Variants in TBCK observed in about 807,000 individuals in gnomAD.
TBCK encodes the protein TBC1 domain containing kinase, also known as TBC domain-containing protein kinase-like protein.
TBCK carries 99 observed loss-of-function variants against 113.4 expected under a neutral mutation model. That is an observed-to-expected ratio of 0.87 (90% CI 0.74 to 1.03). The LOEUF is 1.03. TBCK is among the 50% of genes least tolerant of loss of function. The probability of loss-of-function intolerance (pLI) is 0.00; values close to 1 mark genes in which losing one functional copy is unlikely to be tolerated. For missense variants in TBCK, 1,045 were observed against 1,061.3 expected, an observed-to-expected ratio of 0.98 and a Z score of 0.21; for synonymous variants, 369 against 370.8, an observed-to-expected ratio of 1.00 and a Z score of 0.05.
At position 106,043,261 on chromosome 4, in the gene TBCK, T is replaced by C. The variant is rs990471518; in HGVS notation, c.*3309A>G. The C allele has an allele frequency of 6.6e-6, 1 of 152,228 alleles. No homozygotes were observed. The highest frequency in any genetic ancestry group is 1.5e-5 in the Non-Finnish European group (1 of 68,028). The allele number at this position is 152,228 out of a possible 1,614,324, so 9.4% of individuals were successfully genotyped here. On this transcript the variant is annotated 3_prime_UTR_variant, in exon 26 of 26. Transcript: ENST00000394708. ...TTAAATTACCTTATTTTGGAAGTTA[T>C]CTGCTCCAACTTCTAGAATTATCAG...
At chr4:106,150,020 T>G (rs1748293462) in intron 23 of TBCK, among the ~76,000 whole-genome samples, 1 of 152,198 alleles carries the variant, frequency 6.6e-6, no homozygotes, top group East Asian at 1.9e-4. Context: ...CTTTAGAAAT[T>G]CTGTTGTTCC....
chr4:106,080,569 C>T (rs540100570), intron 25 of TBCK, among the ~76,000 whole-genome samples: 1 of 152,220 alleles, frequency 6.6e-6, no homozygotes, highest in East Asian at 1.9e-4. Flanking sequence ...AATCAAAACC[C>T]TAGAAGAAAA....
At chr4:106,058,298 T>C (rs2149456043) in intron 25 of TBCK, among the ~76,000 whole-genome samples, 1 of 151,908 alleles carries the variant, frequency 6.6e-6, no homozygotes, top group East Asian at 1.9e-4. Flanking sequence ...AGGGAGTAAG[T>C]GGAGCATGAA....
intron 22 of TBCK, among the ~76,000 whole-genome samples, chr4:106,191,596 G>A (rs1396313515): frequency 1.3e-5 from 2 of 152,116 alleles, no homozygotes; most frequent in African/African-American, 4.8e-5. Context: ...TGCTTTAATA[G>A]GACCTATCAT....
At position 106,171,248 on chromosome 4, in the gene TBCK, C is replaced by G. The variant is rs757773257; in HGVS notation, c.2082G>C (p.Val694=). ...AACAAAACAGGTTGATAGATTCTCT[C>G]ACACAGCGTTCAATGTCAATTTCTA... The part of the protein sequence containing the change: ...DLPEIDIERC[V]RESINLFCWT... The change falls in exon 23 of 26, where the codon GTG becomes GTC. Residue 694 remains valine (V), a synonymous_variant. Coordinates refer to ENST00000394708, the MANE Select transcript of TBCK (RefSeq NM_001163435.3). 6.2e-7 allele frequency: 1 copy of G among 1,607,692 alleles called. No individual in the cohort carries two copies. Among genetic ancestry groups the G allele is most frequent in the East Asian group, 2.2e-5 (1 of 44,638 alleles).
At chr4:106,181,774 T>C (rs1021982777) in intron 22 of TBCK, among the ~76,000 whole-genome samples, 17 of 152,182 alleles carry the variant, frequency 1.1e-4, no homozygotes, top group Non-Finnish European at 2.4e-4. Flanking sequence ...ACTATAGCCT[T>C]GTAGCAGAGT....
chr4:106,123,956 C>T (rs561459199), intron 23 of TBCK, among the ~76,000 whole-genome samples: 1 of 151,248 alleles, frequency 6.6e-6, no homozygotes, highest in East Asian at 1.9e-4. Context: ...GACTTCATGT[C>T]CAAAACACCA....
intron 19 of TBCK, among the ~76,000 whole-genome samples, chr4:106,217,910 A>T (rs1354786693): frequency 4.1e-5 from 6 of 145,332 alleles, no homozygotes; most frequent in Non-Finnish European, 1.5e-5. Context: ...CGCATCGCCA[A>T]GTCAATCCTA....
chr4:106,247,308 A>G, intron 9 of TBCK, 21 bp from the exon 10 acceptor site: 1 of 1,606,798 alleles, frequency 6.2e-7, no homozygotes, highest in South Asian at 1.1e-5. Flanking sequence ...TTTAAAATAC[A>G]GAGCATGAAT....
rs1361808046 is a variant in TBCK, at chr4:106,042,107, C to G, written c.*4463G>C. On this transcript the variant is annotated 3_prime_UTR_variant, in exon 26 of 26. Transcript: ENST00000394708. ...TTGGTAGCTGTGAAGAGGGTTTGGTCTTGACATTGAACATCCAAACTAAAA... is the reference window on the plus strand; with the variant it reads ...TTGGTAGCTGTGAAGAGGGTTTGGTGTTGACATTGAACATCCAAACTAAAA... The G allele has an allele frequency of 1.3e-5, 2 of 152,160 alleles. No individual in the cohort carries two copies. Among genetic ancestry groups the G allele is most frequent in the Non-Finnish European group, 2.9e-5 (2 of 68,026 alleles). The allele number at this position is 152,160 out of a possible 1,614,324, so 9.4% of individuals were successfully genotyped here.
chr4:106,192,705 A>G (rs754886578), intron 22 of TBCK, among the ~76,000 whole-genome samples: 2 of 152,144 alleles, frequency 1.3e-5, no homozygotes, highest in Non-Finnish European at 2.9e-5. Context: ...CATTAAACAT[A>G]AAAATGAGGG....
chr4:106,216,533 A>T (rs1756948723), intron 19 of TBCK, among the ~76,000 whole-genome samples: 2 of 151,700 alleles, frequency 1.3e-5, no homozygotes, highest in South Asian at 4.1e-4. Flanking sequence ...GATAAAGGGG[A>T]TATCACCACC....
chr4:106,057,232 A>G (rs1329562946), intron 25 of TBCK, among the ~76,000 whole-genome samples: 2 of 151,676 alleles, frequency 1.3e-5, no homozygotes, highest in Non-Finnish European at 3.0e-5. Context: ...CTTAAGAGAG[A>G]GGGTCAATGT....
At chr4:106,204,042 AAT>A (rs1447000983) in intron 20 of TBCK, among the ~76,000 whole-genome samples, 1 of 152,168 alleles carries the variant, frequency 6.6e-6, no homozygotes, top group Non-Finnish European at 1.5e-5. Context: ...TGTTCTTCTA[AAT>A]ATGAATCATG....
chr4:106,188,931 G>C (rs1256550504), intron 22 of TBCK, among the ~76,000 whole-genome samples: 1 of 152,050 alleles, frequency 6.6e-6, no homozygotes, highest in East Asian at 1.9e-4. Flanking sequence ...TTATTAGCTT[G>C]GAGGTGATGT....
intron 25 of TBCK, among the ~76,000 whole-genome samples, chr4:106,068,780 T>C (rs2149472696): frequency 6.6e-6 from 1 of 152,328 alleles, no homozygotes; most frequent in African/African-American, 2.4e-5. Flanking sequence ...AAAGTGTTCC[T>C]ATTTCTCCAC....
At chr4:106,106,783 C>T (rs955721706) in intron 24 of TBCK, among the ~76,000 whole-genome samples, 2 of 152,094 alleles carry the variant, frequency 1.3e-5, no homozygotes, top group African/African-American at 4.8e-5. Flanking sequence ...CCAATCCACA[C>T]ATATCAATAT....
intron 6 of TBCK, 31 bp downstream of exon 6, chr4:106,251,835 T>A: frequency 4.8e-6 from 7 of 1,446,764 alleles, no homozygotes; most frequent in Non-Finnish European, 6.4e-6. Flanking sequence ...CACAATTTCC[T>A]TTTATTATAT....
intron 15 of TBCK, among the ~76,000 whole-genome samples, chr4:106,234,773 G>A (rs1759264634): frequency 6.6e-6 from 1 of 152,064 alleles, no homozygotes; most frequent in Admixed American, 6.6e-5. Context: ...CATAATTTGT[G>A]ACACATCTTT....
Sources: allele counts gnomAD v4.1 joint callset (sites outside exome capture counted in the v4.1 genomes callset), GRCh38; gene constraint gnomAD v4.1.1; transcripts MANE v1.5; gene names NCBI Gene and HGNC (gene_info 2026-07-23, HGNC 2026-07-21).